DCLK1: variants seen among roughly 807,000 people sequenced by gnomAD.
The protein encoded by DCLK1 is doublecortin like kinase 1.
DCLK1 carries 16 observed loss-of-function variants against 86.2 expected under a neutral mutation model. That is an observed-to-expected ratio of 0.19 (90% CI 0.13 to 0.28). The LOEUF (loss-of-function observed/expected upper bound fraction) is 0.28, where lower values mean the gene tolerates loss of function less well. Among genes scored for constraint, DCLK1 ranks in the 10% least tolerant of loss-of-function variants. The probability of loss-of-function intolerance (pLI) is 1.00; values close to 1 mark genes in which losing one functional copy is unlikely to be tolerated. For synonymous variants in DCLK1, 369 were observed against 370.5 expected, an observed-to-expected ratio of 1.00 and a Z score of 0.05; for missense variants, 590 against 940.2, an observed-to-expected ratio of 0.63 and a Z score of 4.87.
chr13:36,093,327 C>T (rs953667012), intron 3 of DCLK1, among the ~76,000 whole-genome samples: 2 of 152,098 alleles, frequency 1.3e-5, no homozygotes, highest in African/African-American at 4.8e-5. Flanking sequence ...TGGGTAAAAC[C>T]ATCACTTCAT....
intron 4 of DCLK1, among the ~76,000 whole-genome samples, chr13:35,875,961 A>G (rs986110017): frequency 1.3e-5 from 2 of 152,152 alleles, no homozygotes; most frequent in African/African-American, 4.8e-5. Context: ...TACCCCCAGT[A>G]TCTGATGCTG....
At chr13:35,796,974 A>G (rs1380972775) in intron 15 of DCLK1, among the ~76,000 whole-genome samples, 4 of 152,198 alleles carry the variant, frequency 2.6e-5, no homozygotes, top group Non-Finnish European at 4.4e-5. Flanking sequence ...TCAGGGACCC[A>G]GTGGAACACA....
intron 6 of DCLK1, among the ~76,000 whole-genome samples, chr13:35,853,331 C>T (rs1593663013): frequency 6.6e-6 from 1 of 152,322 alleles, no homozygotes; most frequent in Admixed American, 6.5e-5. Context: ...TAAGATACCA[C>T]GGCCATTTAG....
intron 5 of DCLK1, among the ~76,000 whole-genome samples, chr13:35,860,055 G>A (rs933012511): frequency 6.6e-6 from 1 of 152,142 alleles, no homozygotes; most frequent in Non-Finnish European, 1.5e-5. Flanking sequence ...CTGTTTCCCT[G>A]TCTTCTTTTA....
chr13:35,986,959 G>A (rs1879947574), intron 3 of DCLK1, among the ~76,000 whole-genome samples: 1 of 152,236 alleles, frequency 6.6e-6, no homozygotes, highest in South Asian at 2.1e-4. Flanking sequence ...GGACGATCAT[G>A]TAAAGGCATT....
intron 3 of DCLK1, among the ~76,000 whole-genome samples, chr13:36,100,820 T>G (rs1885190660): frequency 6.6e-6 from 1 of 152,188 alleles, no homozygotes; most frequent in African/African-American, 2.4e-5. Context: ...GATCACTAGG[T>G]GGTTCCTTCA....
intron 3 of DCLK1, among the ~76,000 whole-genome samples, chr13:36,018,982 C>A (rs975820779): frequency 6.6e-6 from 1 of 152,002 alleles, no homozygotes; most frequent in African/African-American, 2.4e-5. Context: ...TATTATAGAC[C>A]CAATTGCTTG....
chr13:36,116,880 G>A (rs1027634537), intron 2 of DCLK1, among the ~76,000 whole-genome samples: 8 of 152,120 alleles, frequency 5.3e-5, no homozygotes, highest in Admixed American at 3.9e-4. Flanking sequence ...ATAGAATATC[G>A]TAAAGTACCT....
intron 3 of DCLK1, among the ~76,000 whole-genome samples, chr13:35,982,313 G>A (rs375779587): frequency 1.4e-4 from 21 of 151,836 alleles, no homozygotes; most frequent in African/African-American, 3.1e-4. Context: ...CCAGGAGTTC[G>A]TGGCTGCACT....
At chr13:36,086,702 T>C (rs1427401670) in intron 3 of DCLK1, among the ~76,000 whole-genome samples, 1 of 152,188 alleles carries the variant, frequency 6.6e-6, no homozygotes, top group Non-Finnish European at 1.5e-5. Context: ...CTCCCACTTA[T>C]GAGTGAGAAC....
At chr13:35,999,379 C>A (rs1880614094) in intron 3 of DCLK1, among the ~76,000 whole-genome samples, 1 of 152,158 alleles carries the variant, frequency 6.6e-6, no homozygotes, top group African/African-American at 2.4e-5. Context: ...CTGGGGTGAG[C>A]TGAATGGAAT....
intron 3 of DCLK1, among the ~76,000 whole-genome samples, chr13:35,958,966 G>A (rs1242358432): frequency 1.3e-5 from 2 of 152,128 alleles, no homozygotes; most frequent in Non-Finnish European, 2.9e-5. Context: ...TCTAAACACA[G>A]CTAATAAAAG....
chr13:36,035,598 G>A (rs1215509354), intron 3 of DCLK1, among the ~76,000 whole-genome samples: 1 of 152,138 alleles, frequency 6.6e-6, no homozygotes, highest in African/African-American at 2.4e-5. Context: ...GAATGCAGTG[G>A]TACAATCTTA....
intron 11 of DCLK1, among the ~76,000 whole-genome samples, chr13:35,811,944 GATCT>G (rs1400777733): frequency 1.4e-4 from 21 of 152,110 alleles, no homozygotes; most frequent in Admixed American, 9.2e-4. Flanking sequence ...TTTTCAACAT[GATCT>G]ATTTACATTT....
intron 3 of DCLK1, among the ~76,000 whole-genome samples, chr13:36,111,024 CGGGGTTT>C (rs1566016583): frequency 6.6e-6 from 1 of 151,516 alleles, no homozygotes. Flanking sequence ...TGAGTAGAGA[CGGGGTTT>C]CACCCTGTTA....
At chr13:36,091,012 C>T (rs1884806736) in intron 3 of DCLK1, among the ~76,000 whole-genome samples, 1 of 152,266 alleles carries the variant, frequency 6.6e-6, no homozygotes, top group African/African-American at 2.4e-5. Flanking sequence ...CTGTTCATGT[C>T]CTTCACCCGC....
chr13:35,845,625 AC>A (rs1870122599), intron 6 of DCLK1, among the ~76,000 whole-genome samples: 2 of 152,178 alleles, frequency 1.3e-5, no homozygotes, highest in Non-Finnish European at 2.9e-5. Flanking sequence ...CTTTAAGGCA[AC>A]CCTGAAAGGA....
intron 2 of DCLK1, among the ~76,000 whole-genome samples, chr13:36,122,027 C>A (rs1032376032): frequency 5.9e-5 from 9 of 152,088 alleles, no homozygotes; most frequent in Non-Finnish European, 8.8e-5. Context: ...TTAGGAAGAG[C>A]AAATTTTATA....
At chr13:35,899,881 C>T (rs181851518) in intron 4 of DCLK1, among the ~76,000 whole-genome samples, 11 of 152,168 alleles carry the variant, frequency 7.2e-5, no homozygotes, top group East Asian at 1.9e-4. Context: ...CTATAATACA[C>T]GCTGTTTCTA....
Sources: allele counts gnomAD v4.1 joint callset (sites outside exome capture counted in the v4.1 genomes callset), GRCh38; gene constraint gnomAD v4.1.1; transcripts MANE v1.5; gene names NCBI Gene and HGNC (gene_info 2026-07-23, HGNC 2026-07-21).